DAB1: variants seen among roughly 807,000 people sequenced by gnomAD.
The protein encoded by DAB1 is disabled homolog 1.
A neutral mutation model predicts 64.6 loss-of-function variants in DAB1; 15 were observed. That is an observed-to-expected ratio of 0.23 (90% CI 0.16 to 0.36). DAB1 has a LOEUF of 0.36. Among genes scored for constraint, DAB1 ranks in the 10% least tolerant of loss-of-function variants. The probability of loss-of-function intolerance (pLI) is 1.00; values close to 1 mark genes in which losing one functional copy is unlikely to be tolerated. For synonymous variants in DAB1, 235 were observed against 251.9 expected, an observed-to-expected ratio of 0.93 and a Z score of 0.64; for missense variants, 596 against 706.7, an observed-to-expected ratio of 0.84 and a Z score of 1.78.
At chr1:57,436,233 C>T (rs908335938) in intron 7 of DAB1, among the ~76,000 whole-genome samples, 9 of 151,920 alleles carry the variant, frequency 5.9e-5, no homozygotes, top group African/African-American at 1.4e-4. Context: ...GACTTTTATA[C>T]GACGGACAGC....
intron 4 of DAB1, among the ~76,000 whole-genome samples, chr1:57,082,841 C>T (rs11206969): frequency 0.2 from 30,287 of 152,126 alleles, 3,580 homozygotes; most frequent in East Asian, 0.49. Context: ...ATCCATGTCC[C>T]TGCAAAAGAC....
chr1:57,909,648 A>C (rs1644611085), intron 5 of DAB1, among the ~76,000 whole-genome samples: 1 of 152,222 alleles, frequency 6.6e-6, no homozygotes, highest in Non-Finnish European at 1.5e-5. Flanking sequence ...TGTGCCATTT[A>C]GCAAAAAATA....
chr1:58,514,019 T>G (rs2100434384), intron 2 of DAB1, among the ~76,000 whole-genome samples: 1 of 152,264 alleles, frequency 6.6e-6, no homozygotes, highest in African/African-American at 2.4e-5. Context: ...AATTGTCAAG[T>G]TAAAATGTGA....
At chr1:57,430,720 C>T (rs1445991786) in intron 7 of DAB1, among the ~76,000 whole-genome samples, 1 of 152,078 alleles carries the variant, frequency 6.6e-6, no homozygotes, top group East Asian at 1.9e-4. Context: ...GTAATATGCT[C>T]AAAGTATACG....
At chr1:57,404,821 C>T (rs191548907) in intron 1 of DAB1, among the ~76,000 whole-genome samples, 79 of 152,230 alleles carry the variant, frequency 5.2e-4, no homozygotes, top group African/African-American at 1.8e-3. Flanking sequence ...TATTGCTAGA[C>T]GCTAATGAAA....
intron 7 of DAB1, among the ~76,000 whole-genome samples, chr1:57,595,094 C>T (rs192453950): frequency 5.0e-4 from 76 of 152,070 alleles, no homozygotes; most frequent in African/African-American, 1.8e-3. Context: ...CCATTTCTAC[C>T]CACTTCCATT....
In DAB1 at chr1:58,017,630, G is replaced by A. The variant is rs527669413; in HGVS notation, n.387+132881C>T. Among the ~76,000 whole-genome samples the A allele has an allele frequency of 3.2e-4, 48 of 152,298 alleles. No individual in the cohort carries two copies. In the South Asian group the frequency reaches 9.7e-3, roughly 31 times the overall value. ...TGGGCAAGTCACCCAAACTCCCTTT[G>A]GCCCTGCCTCACCTTCAAGCTGGAA... On this transcript the variant is annotated intron_variant and non_coding_transcript_variant, in intron 5 of 20. Transcript: ENST00000485760.
chr1:58,155,224 A>G (rs1173263699), intron 4 of DAB1, among the ~76,000 whole-genome samples: 3 of 152,196 alleles, frequency 2.0e-5, no homozygotes, highest in African/African-American at 4.8e-5. Flanking sequence ...TGCAGCTGCC[A>G]AAGTGAAGAA....
intron 5 of DAB1, among the ~76,000 whole-genome samples, chr1:58,138,134 A>G (rs1167404198): frequency 6.6e-6 from 1 of 152,208 alleles, no homozygotes; most frequent in Non-Finnish European, 1.5e-5. Flanking sequence ...CTAGCTATGC[A>G]TTTTCATGTT....
intron 7 of DAB1, among the ~76,000 whole-genome samples, chr1:57,459,224 C>A (rs1187381412): frequency 2.0e-5 from 3 of 152,026 alleles, no homozygotes; most frequent in African/African-American, 7.2e-5. Context: ...ATTTCATAAA[C>A]ACTATGCATA....
intron 4 of DAB1, among the ~76,000 whole-genome samples, chr1:58,208,576 G>C (rs1017504244): frequency 6.6e-6 from 1 of 152,136 alleles, no homozygotes; most frequent in Non-Finnish European, 1.5e-5. Context: ...GCTTCACTTA[G>C]AATAATGGTC....
At chr1:57,941,810 G>A (rs1028253461) in intron 5 of DAB1, among the ~76,000 whole-genome samples, 4 of 152,124 alleles carry the variant, frequency 2.6e-5, no homozygotes, top group African/African-American at 4.8e-5. Context: ...ACTCCAGCCT[G>A]GGCGACAGAG....
intron 7 of DAB1, among the ~76,000 whole-genome samples, chr1:57,533,421 C>CA (rs1253606358): frequency 1.3e-5 from 2 of 150,010 alleles, no homozygotes; most frequent in East Asian, 3.9e-4. Flanking sequence ...AATGCTTTCC[C>CA]AAAAAATTTA....
intron 6 of DAB1, among the ~76,000 whole-genome samples, chr1:57,791,319 T>C (rs1377050452): frequency 6.6e-6 from 1 of 152,214 alleles, no homozygotes; most frequent in East Asian, 1.9e-4. Flanking sequence ...ACTATGATCC[T>C]TTTACACACA....
intron 2 of DAB1, among the ~76,000 whole-genome samples, chr1:57,205,954 C>G (rs1158615428): frequency 6.6e-6 from 1 of 152,214 alleles, no homozygotes; most frequent in Admixed American, 6.5e-5. Context: ...CTTTTTAATG[C>G]TCTCTCCAAC....
At chr1:57,658,650 C>T (rs1215119420) in intron 6 of DAB1, among the ~76,000 whole-genome samples, 1 of 152,124 alleles carries the variant, frequency 6.6e-6, no homozygotes, top group Non-Finnish European at 1.5e-5. Context: ...GCAACCTCCT[C>T]CTCCCAGGTT....
intron 7 of DAB1, among the ~76,000 whole-genome samples, chr1:57,474,288 A>G (rs977379215): frequency 6.6e-6 from 1 of 152,216 alleles, no homozygotes; most frequent in African/African-American, 2.4e-5. Context: ...TTCAGATGTT[A>G]TGACTCATGG....
intron 2 of DAB1, among the ~76,000 whole-genome samples, chr1:57,273,541 GCC>G (rs1671184856): frequency 1.5e-5 from 1 of 66,222 alleles, no homozygotes; most frequent in African/African-American, 5.6e-5. Flanking sequence ...CTGCCTGCCT[GCC>G]TGCCTGCCTG....
At chr1:57,049,060 G>A (rs1269534141) in intron 9 of DAB1, among the ~76,000 whole-genome samples, 1 of 152,156 alleles carries the variant, frequency 6.6e-6, no homozygotes, top group East Asian at 1.9e-4. Flanking sequence ...ATATCATTCA[G>A]AGTGATAATG....
Sources: allele counts gnomAD v4.1 joint callset (sites outside exome capture counted in the v4.1 genomes callset), GRCh38; gene constraint gnomAD v4.1.1; transcripts MANE v1.5; gene names NCBI Gene and HGNC (gene_info 2026-07-23, HGNC 2026-07-21).